Variants in PARD3B observed in about 807,000 individuals in gnomAD.
PARD3B encodes the protein partitioning defective 3 homolog B.
A neutral mutation model predicts 130.2 loss-of-function variants in PARD3B; 103 were observed. That is an observed-to-expected ratio of 0.79 (90% CI 0.67 to 0.93). The LOEUF (loss-of-function observed/expected upper bound fraction) is 0.93. Ranked by LOEUF, PARD3B falls within the 40% of genes least tolerant of loss-of-function variation. The probability of loss-of-function intolerance (pLI) is 0.00; values close to 1 mark genes in which losing one functional copy is unlikely to be tolerated. For synonymous variants in PARD3B, 583 were observed against 553.2 expected, an observed-to-expected ratio of 1.05 and a Z score of -0.76; for missense variants, 1,609 against 1,499.2, an observed-to-expected ratio of 1.07 and a Z score of -1.21.
rs1238197402 is a variant in PARD3B at position 205,265,601 on chromosome 2, T to C, written c.2185+19779T>C. On this transcript the variant is annotated intron_variant, in intron 16 of 22. Transcript: ENST00000406610. This position sits in a 1 kb window ranked among gnomAD's most constrained non-coding sequence, Gnocchi z 4.3. The stretch of plus-strand genomic sequence containing the variant: ...CACCGAAGAGATGTTCAGTGTAATA[T>C]AATTATTTTGATGTCACTTTTCATT... Among the ~76,000 whole-genome samples, 2 of 152,020 alleles carry C rather than the reference T, an allele frequency of 1.3e-5. No homozygotes were observed. The highest frequency in any genetic ancestry group is 2.4e-5 in the African/African-American group (1 of 41,414).
At chr2:205,060,364 C>G (rs527943021) in intron 4 of PARD3B, among the ~76,000 whole-genome samples, 1 of 152,198 alleles carries the variant, frequency 6.6e-6, no homozygotes, top group African/African-American at 2.4e-5. Flanking sequence ...AATTTTTCCA[C>G]CACAAAGGAA....
chr2:204,785,716 A>G (rs1315346283), intron 2 of PARD3B, among the ~76,000 whole-genome samples: 1 of 152,168 alleles, frequency 6.6e-6, no homozygotes, highest in African/African-American at 2.4e-5. Context: ...CAAGAAATAG[A>G]AATGTGTTGA....
intron 21 of PARD3B, among the ~76,000 whole-genome samples, chr2:205,507,849 T>C (rs2050433628): frequency 6.6e-6 from 1 of 152,238 alleles, no homozygotes; most frequent in Non-Finnish European, 1.5e-5. Flanking sequence ...TTATTTGTTA[T>C]GTAAAAGGAG....
chr2:204,655,576 T>C (rs1237839263), intron 1 of PARD3B, among the ~76,000 whole-genome samples: 3 of 152,130 alleles, frequency 2.0e-5, no homozygotes, highest in Non-Finnish European at 4.4e-5. Flanking sequence ...ATTAAGCATG[T>C]TTATAGTGTA....
chr2:205,306,118 G>T (rs1393266558), intron 18 of PARD3B, among the ~76,000 whole-genome samples: 1 of 152,172 alleles, frequency 6.6e-6, no homozygotes, highest in Admixed American at 6.5e-5. Context: ...TGGCTTTCAA[G>T]ATGGAGGGAG....
At chr2:204,784,073 A>G (rs1176383614) in intron 2 of PARD3B, among the ~76,000 whole-genome samples, 1 of 152,172 alleles carries the variant, frequency 6.6e-6, no homozygotes, top group African/African-American at 2.4e-5. Context: ...ATGTTGTGAT[A>G]CTAAAATGAA....
rs1406621747 is a variant in PARD3B, at chr2:205,380,684, CAT to C, written c.2631-20323_2631-20322del. Among the ~76,000 whole-genome samples, 37 of 85,360 alleles carry C rather than the reference CAT, an allele frequency of 4.3e-4. 1 individual carries two copies. The highest frequency in any genetic ancestry group is 1.7e-3 in the African/African-American group (30 of 17,812). The allele number at this position is 85,360 out of a possible 152,430, so 56.0% of individuals were successfully genotyped here. A position where few individuals can be genotyped will look rare whatever the true frequency, so the allele number is the denominator to read the frequency against. The stretch of plus-strand genomic sequence containing the variant: ...TTATATATAATATATAAAGAATAAA[CAT>C]ATATACTATATATAAAGAATATACA... On this transcript the variant is annotated intron_variant, in intron 18 of 22. Coordinates refer to ENST00000406610, the MANE Select transcript of PARD3B (RefSeq NM_001302769.2).
At chr2:204,602,733 C>T (rs1442070450) in intron 1 of PARD3B, among the ~76,000 whole-genome samples, 1 of 151,972 alleles carries the variant, frequency 6.6e-6, no homozygotes, top group Non-Finnish European at 1.5e-5. Context: ...AACGTACAGA[C>T]CATCCTTATA....
rs1052922587 is a variant in PARD3B at position 204,920,249 on chromosome 2, A to T, written c.223-44903A>T. 2.0e-5 allele frequency among the ~76,000 whole-genome samples: 3 copies of T among 152,170 alleles called. No homozygotes were observed. The East Asian group carries it at 5.8e-4, about 29-fold the overall frequency. ...TTAGTAAATGTATACACTTTCGAGC[A>T]TTGAGCTTGATGTTACCTGTGGCAG... On this transcript the variant is annotated intron_variant, in intron 2 of 22. Coordinates refer to ENST00000406610, the MANE Select transcript of PARD3B (RefSeq NM_001302769.2).
intron 11 of PARD3B, among the ~76,000 whole-genome samples, chr2:205,168,249 C>G (rs1342903286): frequency 7.2e-6 from 1 of 139,360 alleles, no homozygotes; most frequent in Non-Finnish European, 1.5e-5. Context: ...GCTTAGGAGT[C>G]TGATGGGAGT....
rs1237277900 is a variant in PARD3B, at chr2:205,397,441, A to G, written c.2631-3572A>G. Among the ~76,000 whole-genome samples, 2 of 152,206 alleles carry G rather than the reference A, an allele frequency of 1.3e-5. No homozygotes were observed. Among genetic ancestry groups the G allele is most frequent in the African/African-American group, 4.8e-5 (2 of 41,450 alleles). On this transcript the variant is annotated intron_variant, in intron 18 of 22. Coordinates refer to ENST00000406610, the MANE Select transcript of PARD3B (RefSeq NM_001302769.2). The surrounding 1 kb of genome is among the most constrained non-coding windows in gnomAD (Gnocchi z 4.8). ...AACTAACATGTTTTTTTTCTTACCAAACATATTCCACTGTGAGGGAAGGAT... is the reference window on the plus strand; with the variant it reads ...AACTAACATGTTTTTTTTCTTACCAGACATATTCCACTGTGAGGGAAGGAT...
At chr2:205,350,055 T>C (rs1023153037) in intron 18 of PARD3B, among the ~76,000 whole-genome samples, 2 of 152,280 alleles carry the variant, frequency 1.3e-5, no homozygotes, top group African/African-American at 4.8e-5. Context: ...TATCCCAACA[T>C]ATGAATGTTT....
At chr2:204,578,755 C>T (rs527357622) in intron 1 of PARD3B, among the ~76,000 whole-genome samples, 12 of 152,238 alleles carry the variant, frequency 7.9e-5, no homozygotes, top group East Asian at 1.9e-4. Context: ...TGTCCTGATA[C>T]GTTGCTGTTT....
At chr2:205,198,898 T>C (rs2036838328) in intron 15 of PARD3B, among the ~76,000 whole-genome samples, 1 of 152,000 alleles carries the variant, frequency 6.6e-6, no homozygotes. Context: ...ATTTCTTTTA[T>C]TGTCCACCAA....
At chr2:205,262,829 A>C (rs1470784609) in intron 16 of PARD3B, among the ~76,000 whole-genome samples, 1 of 152,132 alleles carries the variant, frequency 6.6e-6, no homozygotes, top group African/African-American at 2.4e-5. Flanking sequence ...CAGAGGGTCC[A>C]TTTATTGCTT....
chr2:204,576,257 T>C (rs1027464331), intron 1 of PARD3B, among the ~76,000 whole-genome samples: 2 of 152,170 alleles, frequency 1.3e-5, no homozygotes, highest in African/African-American at 4.8e-5. Context: ...GCTGGGGTGC[T>C]GCTATTTTTG....
intron 4 of PARD3B, among the ~76,000 whole-genome samples, chr2:205,077,872 A>G (rs1276055270): frequency 6.6e-6 from 1 of 152,180 alleles, no homozygotes; most frequent in Admixed American, 6.5e-5. Context: ...TTAAACAACA[A>G]AAGAGAGTTG....
chr2:205,235,891 G>A (rs771832656), intron 15 of PARD3B, among the ~76,000 whole-genome samples: 8 of 152,252 alleles, frequency 5.3e-5, no homozygotes, highest in South Asian at 2.1e-4. Flanking sequence ...AAATCAATGC[G>A]TTAGAAAAAA....
intron 2 of PARD3B, among the ~76,000 whole-genome samples, chr2:204,867,827 C>T (rs760227360): frequency 3.9e-5 from 6 of 152,156 alleles, no homozygotes; most frequent in South Asian, 2.1e-4. Flanking sequence ...TAAATCCCAT[C>T]GCTGCCTGTT....
Sources: allele counts gnomAD v4.1 joint callset (sites outside exome capture counted in the v4.1 genomes callset), GRCh38; gene constraint gnomAD v4.1.1; non-coding constraint Gnocchi (gnomAD v3.1); transcripts MANE v1.5; gene names NCBI Gene and HGNC (gene_info 2026-07-23, HGNC 2026-07-21).